Variants in PPFIA2 observed in about 807,000 individuals in gnomAD.
The protein encoded by PPFIA2 is PPFI scaffold protein A2, also known as liprin-alpha-2.
In PPFIA2, 46 loss-of-function variants were observed where a neutral mutation model predicts 175.5. The observed-to-expected ratio is 0.26, with a 90% CI of 0.21 to 0.34. The LOEUF is 0.34. Among genes scored for constraint, PPFIA2 ranks in the 10% least tolerant of loss-of-function variants. PPFIA2 has a pLI of 1.00. For synonymous variants in PPFIA2, 568 were observed against 511.4 expected (o/e 1.11, Z -1.49); for missense variants, 1,179 against 1,506.1 (o/e 0.78, Z 3.60).
At chr12:81,265,291 C>CAAAAAAA (rs571821814) in intron 30 of PPFIA2, among the ~76,000 whole-genome samples, 5 of 69,986 alleles carry the variant, frequency 7.1e-5, no homozygotes, top group African/African-American at 3.1e-4. Context: ...GAAACTCTGT[C>CAAAAAAA]AAAAAAAAAA....
intron 25 of PPFIA2, among the ~76,000 whole-genome samples, chr12:81,283,409 A>G (rs1271076313): frequency 2.6e-5 from 4 of 152,052 alleles, no homozygotes; most frequent in African/African-American, 4.8e-5. Context: ...GAAATCTTAT[A>G]CAAAGTAAAT....
intron 24 of PPFIA2, among the ~76,000 whole-genome samples, chr12:81,290,243 T>C (rs2044556705): frequency 1.0e-5 from 1 of 96,690 alleles, no homozygotes; most frequent in African/African-American, 3.4e-5. Flanking sequence ...GAAGACATGA[T>C]AGAATAACTT....
intron 19 of PPFIA2, among the ~76,000 whole-genome samples, chr12:81,342,860 C>T (rs902068496): frequency 3.3e-5 from 5 of 151,750 alleles, no homozygotes; most frequent in Admixed American, 2.0e-4. Flanking sequence ...TACTTATTCC[C>T]AATAACAGCT....
At chr12:81,345,029 G>A (rs945293429) in intron 18 of PPFIA2, among the ~76,000 whole-genome samples, 4 of 152,060 alleles carry the variant, frequency 2.6e-5, no homozygotes, top group African/African-American at 9.7e-5. Flanking sequence ...AGAAATAAAC[G>A]AGACTGCATC....
chr12:81,270,457 A>G (rs1234750224), intron 28 of PPFIA2, among the ~76,000 whole-genome samples: 1 of 152,218 alleles, frequency 6.6e-6, no homozygotes, highest in African/African-American at 2.4e-5. Context: ...ATGAGTCAAT[A>G]GAGTGGGCCC....
chr12:81,446,591 G>C (rs2051315755), intron 5 of PPFIA2, among the ~76,000 whole-genome samples: 1 of 152,202 alleles, frequency 6.6e-6, no homozygotes, highest in African/African-American at 2.4e-5. Context: ...ACCACACACA[G>C]TTGGTGAGCA....
chr12:81,713,489 T>C (rs10506846), intron 3 of PPFIA2, among the ~76,000 whole-genome samples: 50,041 of 150,850 alleles, frequency 0.33, 9,487 homozygotes, highest in Middle Eastern at 0.49. Flanking sequence ...GAAAAAATGC[T>C]TTAGTACCTT....
intron 7 of PPFIA2, among the ~76,000 whole-genome samples, chr12:81,427,493 C>T (rs1490347702): frequency 6.6e-6 from 1 of 151,982 alleles, no homozygotes; most frequent in East Asian, 1.9e-4. Flanking sequence ...TTATTTTTAT[C>T]AAACATGTGA....
chr12:81,273,462 T>C (rs1199634560), intron 28 of PPFIA2, among the ~76,000 whole-genome samples: 1 of 152,214 alleles, frequency 6.6e-6, no homozygotes, highest in Non-Finnish European at 1.5e-5. Flanking sequence ...GTTTCTACTG[T>C]TTTCAAATAG....
intron 7 of PPFIA2, among the ~76,000 whole-genome samples, chr12:81,433,974 G>A (rs1199094118): frequency 1.3e-5 from 2 of 152,148 alleles, no homozygotes; most frequent in Non-Finnish European, 2.9e-5. Flanking sequence ...ATCTGAGCTT[G>A]AGCTTAAATG....
intron 9 of PPFIA2, among the ~76,000 whole-genome samples, chr12:81,380,619 A>C (rs906557835): frequency 6.6e-6 from 1 of 152,114 alleles, no homozygotes; most frequent in Admixed American, 6.6e-5. Flanking sequence ...TCACTGAATT[A>C]TTTATTGTGC....
intron 24 of PPFIA2, among the ~76,000 whole-genome samples, chr12:81,294,359 T>G (rs752548995): frequency 8.6e-5 from 13 of 151,482 alleles, no homozygotes; most frequent in Non-Finnish European, 1.6e-4. Flanking sequence ...TCACTAATGC[T>G]TATATCTTAT....
chr12:81,389,191 A>G (rs2142164139), intron 8 of PPFIA2, among the ~76,000 whole-genome samples: 2 of 148,232 alleles, frequency 1.3e-5, no homozygotes, highest in South Asian at 4.2e-4. Flanking sequence ...ATATACACAT[A>G]TATTATATAT....
intron 3 of PPFIA2, among the ~76,000 whole-genome samples, chr12:81,707,239 A>C (rs2077280936): frequency 6.6e-6 from 1 of 152,042 alleles, no homozygotes; most frequent in Non-Finnish European, 1.5e-5. Context: ...CAGGCAACCC[A>C]CAAAATGGGA....
intron 3 of PPFIA2, among the ~76,000 whole-genome samples, chr12:81,706,908 C>A (rs939610230): frequency 3.3e-5 from 5 of 152,104 alleles, no homozygotes; most frequent in South Asian, 4.1e-4. Context: ...TTGAGAAAAA[C>A]AAGCAATGGG....
chr12:81,308,174 A>T (rs779154301), intron 22 of PPFIA2, among the ~76,000 whole-genome samples: 1 of 152,226 alleles, frequency 6.6e-6, no homozygotes, highest in African/African-American at 2.4e-5. Context: ...TCTCCTGTTC[A>T]TCTGAACCAG....
intron 7 of PPFIA2, among the ~76,000 whole-genome samples, chr12:81,409,575 C>A (rs1407246910): frequency 6.6e-6 from 1 of 152,132 alleles, no homozygotes; most frequent in Admixed American, 6.6e-5. Flanking sequence ...ATCATAAAAA[C>A]TCATGCCAGA....
intron 22 of PPFIA2, among the ~76,000 whole-genome samples, chr12:81,311,396 T>G (rs538028144): frequency 3.9e-5 from 6 of 152,248 alleles, no homozygotes; most frequent in East Asian, 3.9e-4. Context: ...TATTCATTGA[T>G]GAATAAGTTT....
chr12:81,369,092 T>G lies in PPFIA2; in HGVS notation c.1350+19A>C. 6.4e-7 allele frequency: 1 copy of G among 1,553,388 alleles called. No homozygotes were observed. The highest frequency in any genetic ancestry group is 1.4e-5 in the African/African-American group (1 of 73,452). ...TCATAAACCAATGATTGGGGGGTAA[T>G]AGTTCTTAATATACATACTCTTTGA... On this transcript the variant is annotated intron_variant, in intron 12 of 32. Coordinates refer to ENST00000549396, the MANE Select transcript of PPFIA2 (RefSeq NM_003625.5).
Sources: allele counts gnomAD v4.1 joint callset (sites outside exome capture counted in the v4.1 genomes callset), GRCh38; gene constraint gnomAD v4.1.1; transcripts MANE v1.5; gene names NCBI Gene and HGNC (gene_info 2026-07-23, HGNC 2026-07-21).